Variants in ERCC6L2 observed in about 807,000 individuals in gnomAD.
ERCC6L2 encodes ERCC excision repair 6 like 2.
In ERCC6L2, 77 loss-of-function variants were observed where a neutral mutation model predicts 132.0. The ratio of observed to expected loss-of-function variants is 0.58; its 90% CI spans 0.49 to 0.71. The LOEUF (loss-of-function observed/expected upper bound fraction) is 0.71, where lower values mean the gene tolerates loss of function less well. Among genes scored for constraint, ERCC6L2 ranks in the 30% least tolerant of loss-of-function variants. ERCC6L2 has a pLI of 0.00. For missense variants in ERCC6L2, 1,542 were observed against 1,837.6 expected (o/e 0.84, Z 2.94); for synonymous variants, 583 against 632.4 (o/e 0.92, Z 1.17).
chr9:95,943,990 A>G (rs1256351334), intron 12 of ERCC6L2, among the ~76,000 whole-genome samples: 2 of 152,196 alleles, frequency 1.3e-5, no homozygotes, highest in Non-Finnish European at 2.9e-5. Flanking sequence ...TAAAATTACC[A>G]TGTTATCCAG....
chr9:95,955,320 CTTT>C (rs1226884087), intron 12 of ERCC6L2, among the ~76,000 whole-genome samples: 2 of 151,972 alleles, frequency 1.3e-5, no homozygotes, highest in Admixed American at 6.6e-5. Flanking sequence ...GTTTTTTTTA[CTTT>C]TTAACAGTTT....
intron 18 of ERCC6L2, among the ~76,000 whole-genome samples, chr9:96,007,187 G>A (rs1276923551): frequency 6.6e-6 from 1 of 152,232 alleles, no homozygotes; most frequent in Non-Finnish European, 1.5e-5. Context: ...CATTGCTGTT[G>A]TGGGCAGTCA....
chr9:95,930,851 A>G (rs910526107), intron 11 of ERCC6L2, among the ~76,000 whole-genome samples: 1 of 152,140 alleles, frequency 6.6e-6, no homozygotes, highest in Admixed American at 6.6e-5. Flanking sequence ...TAGCATTAGC[A>G]CACACCCACC....
At position 95,978,123 on chromosome 9, in the gene ERCC6L2, G is replaced by GA; in HGVS notation, c.3404dup (p.Asn1135LysfsTer10). 1 of 1,367,460 alleles carries GA rather than the reference G, an allele frequency of 7.3e-7. No homozygotes were observed. The highest frequency in any genetic ancestry group is 9.8e-7 in the Non-Finnish European group (1 of 1,021,770). The allele number at this position is 1,367,460 out of a possible 1,614,324, so 84.7% of individuals were successfully genotyped here. A position where few individuals can be genotyped will look rare whatever the true frequency, so the allele number is the denominator to read the frequency against. On this transcript the variant is annotated frameshift_variant, in exon 17 of 19. Transcript: ENST00000653738. LOFTEE classifies it high-confidence loss of function. ...GAATGTAATTGGATCGAGCAAAGCT[G>GA]AAAATCACATGAGCCGATGGGCAGC... is the stretch of plus-strand genomic sequence containing the variant.
At position 95,881,093 on chromosome 9, in the gene ERCC6L2, A is replaced by G. The variant is rs1378297581; in HGVS notation, c.271A>G (p.Lys91Glu). The change falls in exon 2 of 19, where the codon AAA (lysine) becomes GAA (glutamate). Residue 91 changes from lysine (K) to glutamate (E), a missense_variant. This residue lies in a region of ERCC6L2 where 153 missense variants were observed against 132.3 expected (regional missense o/e 1.16). Transcript: ENST00000653738. ...TATATTTGATGATGAAGATTTAGAA[A>G]AACCTTATTTCCCAAACCGAAAATT... ...NLIFDDEDLEKPYFPNRKFPS... is the reference protein window; with the variant it reads ...NLIFDDEDLEEPYFPNRKFPS... The G allele has an allele frequency of 1.7e-5, 27 of 1,613,092 alleles. No individual in the cohort carries two copies. The highest frequency in any genetic ancestry group is 2.1e-5 in the Non-Finnish European group (25 of 1,179,724).
downstream of ERCC6L2, among the ~76,000 whole-genome samples, chr9:96,021,995 G>C (rs1834299802): frequency 6.6e-6 from 1 of 152,050 alleles, no homozygotes; most frequent in African/African-American, 2.4e-5. This position sits in a 1 kb window ranked among gnomAD's most constrained non-coding sequence, Gnocchi z 4.7. Flanking sequence ...CCGGCCTCAC[G>C]CCCACCCCGC....
chr9:95,925,708 T>TA (rs1277315955), intron 9 of ERCC6L2, among the ~76,000 whole-genome samples: 1 of 152,196 alleles, frequency 6.6e-6, no homozygotes, highest in Non-Finnish European at 1.5e-5. Flanking sequence ...TGAAAACACT[T>TA]AAAGTTGCAA....
At chr9:95,896,935 C>A (rs1372630111) in intron 2 of ERCC6L2, among the ~76,000 whole-genome samples, 1 of 152,044 alleles carries the variant, frequency 6.6e-6, no homozygotes, top group Non-Finnish European at 1.5e-5. Context: ...TCTTCAGATA[C>A]TTCTGTATCA....
At chr9:95,965,078 C>G (rs1044103328) in intron 13 of ERCC6L2, among the ~76,000 whole-genome samples, 1 of 152,182 alleles carries the variant, frequency 6.6e-6, no homozygotes, top group East Asian at 1.9e-4. Flanking sequence ...AGGATTACAG[C>G]CCATGTTCAT....
chr9:95,956,504 C>T (rs953768777), intron 13 of ERCC6L2, among the ~76,000 whole-genome samples: 1 of 152,118 alleles, frequency 6.6e-6, no homozygotes, highest in Non-Finnish European at 1.5e-5. Context: ...AGTTCATTCT[C>T]ATGCTGCCAT....
At chr9:95,930,638 T>C (rs1830293112) in intron 11 of ERCC6L2, among the ~76,000 whole-genome samples, 1 of 152,224 alleles carries the variant, frequency 6.6e-6, no homozygotes. Context: ...TTTAAAATTA[T>C]TTGTCTATAA....
At chr9:95,929,456 C>T (rs918879880) in intron 11 of ERCC6L2, among the ~76,000 whole-genome samples, 4 of 152,164 alleles carry the variant, frequency 2.6e-5, no homozygotes, top group Non-Finnish European at 4.4e-5. Flanking sequence ...TAGGAAGGAA[C>T]AGATCAATAA....
At chr9:95,932,800 G>T (rs1489635969) in intron 11 of ERCC6L2, among the ~76,000 whole-genome samples, 1 of 152,182 alleles carries the variant, frequency 6.6e-6, no homozygotes, top group Non-Finnish European at 1.5e-5. Context: ...GCATGTGGCA[G>T]ACCTAAGGAA....
intron 11 of ERCC6L2, among the ~76,000 whole-genome samples, chr9:95,930,352 A>C (rs1275592827): frequency 1.3e-5 from 2 of 152,068 alleles, no homozygotes; most frequent in African/African-American, 2.4e-5. Context: ...TATATAAGGA[A>C]CCTTATGTAA....
chr9:96,039,485 G>T (rs567877696), intron 20 of ERCC6L2, among the ~76,000 whole-genome samples: 41 of 152,292 alleles, frequency 2.7e-4, no homozygotes, highest in African/African-American at 9.9e-4. Context: ...AAAGTTTGGG[G>T]AGGGGGAGGG....
At chr9:96,000,904 C>T (rs1018903637) in intron 17 of ERCC6L2, among the ~76,000 whole-genome samples, 1 of 152,172 alleles carries the variant, frequency 6.6e-6, no homozygotes, top group South Asian at 2.1e-4. Flanking sequence ...AGAATGAAGC[C>T]GTGGACCCTC....
intron 11 of ERCC6L2, among the ~76,000 whole-genome samples, chr9:95,940,428 C>T (rs1349475785): frequency 6.6e-6 from 1 of 151,826 alleles, no homozygotes; most frequent in African/African-American, 2.4e-5. Context: ...GTATCTTAAG[C>T]AAAAAAGAAA....
intron 17 of ERCC6L2, 31 bp downstream of exon 17, chr9:95,978,246 A>T (rs2133108203): frequency 7.7e-7 from 1 of 1,303,586 alleles, no homozygotes. Context: ...TATCATCTTT[A>T]GTTACCTCAT....
At chr9:96,031,163 T>C (rs916058509) in intron 19 of ERCC6L2, among the ~76,000 whole-genome samples, 1 of 152,244 alleles carries the variant, frequency 6.6e-6, no homozygotes, top group African/African-American at 2.4e-5. Flanking sequence ...GCAGTGTCTG[T>C]GCAAGCAAGG....
Sources: allele counts gnomAD v4.1 joint callset (sites outside exome capture counted in the v4.1 genomes callset), GRCh38; gene constraint gnomAD v4.1.1; regional missense constraint gnomAD v4.1.1; non-coding constraint Gnocchi (gnomAD v3.1); transcripts MANE v1.5; gene names NCBI Gene and HGNC (gene_info 2026-07-23, HGNC 2026-07-21).